COL6A2: variants seen among roughly 807,000 people sequenced by gnomAD.
COL6A2 encodes collagen type VI alpha 2 chain.
COL6A2 carries 90 observed loss-of-function variants against 124.9 expected under a neutral mutation model. The ratio of observed to expected loss-of-function variants is 0.72; its 90% CI spans 0.61 to 0.86. The LOEUF (loss-of-function observed/expected upper bound fraction) is 0.86. Ranked by LOEUF, COL6A2 falls within the 40% of genes least tolerant of loss-of-function variation. COL6A2 has a pLI of 0.00. For missense variants in COL6A2, 1,607 were observed against 1,502.5 expected (o/e 1.07, Z -1.15); for synonymous variants, 793 against 618.2 (o/e 1.28, Z -4.19).
Position 46,116,545 on chromosome 21 carries a change from G to T in COL6A2, c.928-106G>T, listed in dbSNP as rs574026574. 12 of 1,583,350 alleles carry T rather than the reference G, an allele frequency of 7.6e-6. No homozygotes were observed. The East Asian group carries it at 2.2e-4, about 30-fold the overall frequency. Reference sequence around the variant, plus strand: ...TGGTGGCTTTGGGGGCTCCTGGGGGGTCCTGTGGCCTTGAGTTTGGCCCAA... The same window carrying T: ...TGGTGGCTTTGGGGGCTCCTGGGGGTTCCTGTGGCCTTGAGTTTGGCCCAA... On this transcript the variant is annotated intron_variant, in intron 8 of 27. Transcript: ENST00000300527. The surrounding 1 kb of genome is among the most constrained non-coding windows in gnomAD (Gnocchi z 4.6).
chr21:46,120,114 CACCCCCCGGCCCCCACTGAGGCACCTCTT>C (rs1290345088), intron 15 of COL6A2, among the ~76,000 whole-genome samples: 1 of 112,334 alleles, frequency 8.9e-6, no homozygotes, highest in South Asian at 2.7e-4. Context: ...GCACCACTCA[CACCCCCCGGCCCCCACTGAGGCACCTCTT>C]ACCCCCAGCC....
At chr21:46,128,745 A>G (rs1376158325) in intron 27 of COL6A2, among the ~76,000 whole-genome samples, 1 of 152,232 alleles carries the variant, frequency 6.6e-6, no homozygotes, top group East Asian at 1.9e-4. Flanking sequence ...AGGGGAAGAC[A>G]GTTCTGGGTG....
intron 21 of COL6A2, among the ~76,000 whole-genome samples, chr21:46,123,591 T>C (rs1450587263): frequency 6.6e-6 from 1 of 150,612 alleles, no homozygotes; most frequent in Non-Finnish European, 1.5e-5. Context: ...GAAGAGTGGG[T>C]GGATAGAAGA....
chr21:46,126,674 C>T (rs948296104), intron 27 of COL6A2, 133 bp downstream of exon 27: 4 of 1,086,978 alleles, frequency 3.7e-6, no homozygotes, highest in Non-Finnish European at 4.1e-6. Flanking sequence ...GGAGGCTGCT[C>T]CTTAGGGAGA....
At chr21:46,107,562 A>G (rs1295568196) in intron 1 of COL6A2, among the ~76,000 whole-genome samples, 1 of 152,232 alleles carries the variant, frequency 6.6e-6, no homozygotes, top group Non-Finnish European at 1.5e-5. Flanking sequence ...TGAAGAGATT[A>G]ACCGAGAGTC....
rs1568926429 is a variant in COL6A2 at position 46,112,534 on chromosome 21, C to T, written c.671C>T (p.Thr224Ile). ...TACGCCACCATGCTGCCCGACTCCA[C>T]CGAGATCGACCAGGACACCATCAAC... is the stretch of plus-strand genomic sequence containing the variant. The part of the protein sequence containing the change: ...NDYATMLPDS[T>I]EIDQDTINRI... The change falls in exon 3 of 28, where the codon ACC becomes ATC. Residue 224 changes from threonine (T) to isoleucine (I), a missense_variant. By Grantham distance (89) the Thr-to-Ile change is moderately conservative. Around this residue, in one of 3 missense-constraint regions of COL6A2, gnomAD observed 342 missense variants for 381.5 expected, o/e 0.90. Coordinates refer to ENST00000300527, the MANE Select transcript of COL6A2 (RefSeq NM_001849.4). 6.2e-7 allele frequency: 1 copy of T among 1,612,130 alleles called. No homozygotes were observed. The highest frequency in any genetic ancestry group is 8.5e-7 in the Non-Finnish European group (1 of 1,179,882).
intron 12 of COL6A2, 37 bp downstream of exon 12, chr21:46,117,973 C>G: frequency 1.3e-6 from 2 of 1,588,624 alleles, no homozygotes; most frequent in Non-Finnish European, 1.7e-6. Flanking sequence ...CAGGCGGGGT[C>G]ACCAGCTTCC....
intron 27 of COL6A2, among the ~76,000 whole-genome samples, chr21:46,131,058 T>C (rs2078754016): frequency 6.6e-6 from 1 of 152,144 alleles, no homozygotes; most frequent in African/African-American, 2.4e-5. Flanking sequence ...TGTGCATTCC[T>C]GGGGGTCCAT....
chr21:46,117,438 A>C lies in COL6A2; in HGVS notation c.1038A>C (p.Gly346=). ...GCATCGGACCTCCTGGCTGCAAGGG[A>C]GACCCTGGAAACCGGGTAAGGGCCG... is the stretch of plus-strand genomic sequence containing the variant. ...LGRIGPPGCK[G]DPGNRGPDGY... Residue 346 remains glycine (G), a synonymous_variant, in exon 11 of 28, where the codon GGA becomes GGC. Transcript: ENST00000300527. 6.2e-7 allele frequency: 1 copy of C among 1,612,722 alleles called. No individual in the cohort carries two copies. Among genetic ancestry groups the C allele is most frequent in the Non-Finnish European group, 8.5e-7 (1 of 1,179,906 alleles).
chr21:46,109,574 G>T (rs565578564), intron 1 of COL6A2, among the ~76,000 whole-genome samples: 2 of 152,226 alleles, frequency 1.3e-5, no homozygotes, highest in African/African-American at 4.8e-5. Context: ...AAGGGGCACC[G>T]GTGCCCAGCC....
intron 1 of COL6A2, among the ~76,000 whole-genome samples, chr21:46,110,297 A>G (rs1168278168): frequency 1.3e-5 from 2 of 152,078 alleles, no homozygotes; most frequent in Non-Finnish European, 2.9e-5. Context: ...TGCCATCAGT[A>G]ATATTTATAG....
chr21:46,120,670 C>T (rs1486145839), intron 16 of COL6A2, 93 bp downstream of exon 16: 3 of 1,235,522 alleles, frequency 2.4e-6, no homozygotes, highest in Non-Finnish European at 2.2e-6. Context: ...GGACTGCACC[C>T]CAAGGTAGGG....
In COL6A2 at chr21:46,125,822, C is replaced by T. The variant is rs369568238; in HGVS notation, c.2007C>T (p.Gly669=). 6.8e-6 allele frequency: 11 copies of T among 1,612,636 alleles called. No individual in the cohort carries two copies. The highest frequency in any genetic ancestry group is 1.7e-5 in the Admixed American group (1 of 60,006). Residue 669 remains glycine, a synonymous_variant, in exon 26 of 28, where the codon GGC becomes GGT. Coordinates refer to ENST00000300527, the MANE Select transcript of COL6A2 (RefSeq NM_001849.4). ...RVGVVQYSHE[G]TFEAIQLDDE... ...GCGTGGTGCAGTACAGCCACGAGGG[C>T]ACCTTTGAGGCCATCCAGCTGGACG...
In COL6A2 at chr21:46,124,891, C is replaced by T; in HGVS notation, c.1741C>T (p.Pro581Ser). Reference sequence around the variant, plus strand: ...CTCATCCTTCCTTCCCCAGGGTGAGCCCGGCCCCCCTGGAGACCCCGGTCT... The same window carrying T: ...CTCATCCTTCCTTCCCCAGGGTGAGTCCGGCCCCCCTGGAGACCCCGGTCT... ...PRGVPGPEGE[P>S]GPPGDPGLTE... The change falls in exon 23 of 28, where the codon CCC (proline) becomes TCC (serine). Residue 581 changes from proline to serine, a missense_variant. Physicochemically the swap from Pro to Ser is moderately conservative, Grantham distance 74. Around this residue, in one of 3 missense-constraint regions of COL6A2, gnomAD observed 1,223 missense variants for 1,052.2 expected, o/e 1.16. Coordinates refer to ENST00000300527, the MANE Select transcript of COL6A2 (RefSeq NM_001849.4). 2 of 1,612,932 alleles carry T rather than the reference C, an allele frequency of 1.2e-6. No individual in the cohort carries two copies. Among genetic ancestry groups the T allele is most frequent in the South Asian group, 1.1e-5 (1 of 91,086 alleles).
chr21:46,122,181 A>G (rs1373258067), intron 19 of COL6A2, 23 bp downstream of exon 19: 3 of 1,610,952 alleles, frequency 1.9e-6, no homozygotes, highest in Non-Finnish European at 2.5e-6. Flanking sequence ...CTGGGATGGC[A>G]GCTCCCAGGA....
intron 16 of COL6A2, among the ~76,000 whole-genome samples, chr21:46,120,831 C>T (rs1388253002): frequency 6.6e-6 from 1 of 152,082 alleles, no homozygotes; most frequent in Admixed American, 6.5e-5. Flanking sequence ...AGGGCTGCAA[C>T]CCAAGATAGG....
intron 27 of COL6A2, among the ~76,000 whole-genome samples, chr21:46,130,685 G>A (rs1459767199): frequency 2.0e-5 from 3 of 152,204 alleles, no homozygotes; most frequent in South Asian, 2.1e-4. Flanking sequence ...GCTGCCCCTT[G>A]CATGTCTGTC....
At chr21:46,131,310 G>A (rs1045329476) in intron 27 of COL6A2, among the ~76,000 whole-genome samples, 1 of 152,230 alleles carries the variant, frequency 6.6e-6, no homozygotes, top group Non-Finnish European at 1.5e-5. Context: ...TGTCCCCGAT[G>A]CCCAGGGCTG....
rs759266010 is a variant in COL6A2, at chr21:46,120,500, C to T, written c.1333-15C>T. ...CTCAGCTGAGACCCGTGGGGCCTCC[C>T]TTCCCTTCCCACAGGGGGACCCTGG... On this transcript the variant is annotated splice_polypyrimidine_tract_variant and intron_variant, in intron 15 of 27. Transcript: ENST00000300527. 37 of 1,523,158 alleles carry T rather than the reference C, an allele frequency of 2.4e-5. No individual in the cohort carries two copies. In the South Asian group the frequency reaches 4.5e-4, roughly 18 times the overall value. 94.4% of individuals were successfully genotyped at this position (1,523,158 alleles called of 1,614,324 possible). A position where few individuals can be genotyped will look rare whatever the true frequency, so the allele number is the denominator to read the frequency against.
Sources: gnomAD v4.1 joint callset for allele counts (sites outside exome capture counted in the v4.1 genomes callset) on GRCh38, gnomAD v4.1.1 for gene constraint, gnomAD v4.1.1 regional missense constraint, Gnocchi (gnomAD v3.1) non-coding constraint, MANE v1.5 for transcripts, NCBI Gene and HGNC (gene_info 2026-07-23, HGNC 2026-07-21) for gene names.